Variants in ZFHX3 observed in about 807,000 individuals in gnomAD.
The protein encoded by ZFHX3 is zinc finger homeobox protein 3.
ZFHX3 carries 42 observed loss-of-function variants against 279.1 expected under a neutral mutation model. The ratio of observed to expected loss-of-function variants is 0.15; its 90% CI spans 0.12 to 0.19. The LOEUF is 0.19. ZFHX3 is among the 10% of genes least tolerant of loss of function. The pLI, the probability that ZFHX3 is intolerant of heterozygous loss-of-function variation, is 1.00. For missense variants in ZFHX3, 4,981 were observed against 4,754.0 expected (o/e 1.05, Z -1.40); for synonymous variants, 2,293 against 1,957.8 (o/e 1.17, Z -4.52).
chr16:73,750,345 C>A (rs962584769), intron 1 of ZFHX3, among the ~76,000 whole-genome samples: 2 of 152,144 alleles, frequency 1.3e-5, no homozygotes, highest in African/African-American at 2.4e-5. Flanking sequence ...CTTTACTCTA[C>A]CAACTTTATT....
intron 1 of ZFHX3, among the ~76,000 whole-genome samples, chr16:73,863,167 A>C (rs937412914): frequency 6.6e-6 from 1 of 152,044 alleles, no homozygotes; most frequent in African/African-American, 2.4e-5. Context: ...GATCGTGCCA[A>C]TGCACTCCAG....
chr16:73,877,210 G>GC (rs1408409430), intron 1 of ZFHX3, among the ~76,000 whole-genome samples: 1 of 140,996 alleles, frequency 7.1e-6, no homozygotes, highest in East Asian at 2.4e-4. Context: ...GTCGGGGGGG[G>GC]GTCCCAGGCA....
intron 2 of ZFHX3, among the ~76,000 whole-genome samples, chr16:73,471,252 G>A (rs777796983): frequency 1.3e-5 from 2 of 152,190 alleles, no homozygotes; most frequent in Non-Finnish European, 2.9e-5. Context: ...AAAGGCAAGT[G>A]GAGCACAGAT....
intron 7 of ZFHX3, among the ~76,000 whole-genome samples, chr16:72,803,285 T>A (rs1042515461): frequency 6.6e-6 from 1 of 152,124 alleles, no homozygotes; most frequent in Non-Finnish European, 1.5e-5. Context: ...TGAGCTGAGA[T>A]TGCGCCATTG....
At chr16:73,724,821 G>A (rs2053504673) in intron 1 of ZFHX3, among the ~76,000 whole-genome samples, 1 of 152,138 alleles carries the variant, frequency 6.6e-6, no homozygotes, top group Non-Finnish European at 1.5e-5. Context: ...CACAACTCCA[G>A]GAGTGTTTAA....
At chr16:73,084,117 G>C (rs1255448784) in intron 8 of ZFHX3, among the ~76,000 whole-genome samples, 1 of 152,148 alleles carries the variant, frequency 6.6e-6, no homozygotes, top group African/African-American at 2.4e-5. Context: ...GAATTATCTG[G>C]CTCAAAATGC....
intron 1 of ZFHX3, among the ~76,000 whole-genome samples, chr16:73,036,590 GGGAGGT>G (rs1964915327): frequency 6.6e-6 from 1 of 152,042 alleles, no homozygotes; most frequent in Non-Finnish European, 1.5e-5. Context: ...GGGAGGAGGA[GGGAGGT>G]GGAGGTAGAG....
At chr16:73,415,192 G>A (rs1435332116) in intron 3 of ZFHX3, among the ~76,000 whole-genome samples, 1 of 152,148 alleles carries the variant, frequency 6.6e-6, no homozygotes, top group Admixed American at 6.5e-5. Flanking sequence ...AAAATAATCA[G>A]TAATTTCTAA....
intron 2 of ZFHX3, among the ~76,000 whole-genome samples, chr16:73,575,956 A>C (rs1349997278): frequency 6.6e-6 from 1 of 152,168 alleles, no homozygotes; most frequent in Non-Finnish European, 1.5e-5. Flanking sequence ...TACACACAAA[A>C]TGGATTTTCA....
At chr16:73,126,552 A>T (rs1293389221) in intron 7 of ZFHX3, 4 of 152,236 alleles carry the variant, frequency 2.6e-5, no homozygotes, top group Non-Finnish European at 5.9e-5. Flanking sequence ...TACACGTTGG[A>T]AAAAAAGTGT....
At chr16:72,927,009 A>G (rs1345434473) in intron 3 of ZFHX3, among the ~76,000 whole-genome samples, 1 of 152,224 alleles carries the variant, frequency 6.6e-6, no homozygotes, top group Non-Finnish European at 1.5e-5. Context: ...GAGCTGGAGG[A>G]GAGTCCCAGC....
intron 2 of ZFHX3, among the ~76,000 whole-genome samples, chr16:73,460,280 G>A (rs939808152): frequency 6.6e-6 from 1 of 152,162 alleles, no homozygotes; most frequent in Non-Finnish European, 1.5e-5. Context: ...TCATCTAAGT[G>A]GTCGCCTGTA....
intron 1 of ZFHX3, among the ~76,000 whole-genome samples, chr16:73,017,693 C>T (rs1362770765): frequency 1.3e-5 from 2 of 152,100 alleles, no homozygotes; most frequent in African/African-American, 2.4e-5. Context: ...CTTAGCACCC[C>T]ACAGATAGAG....
At chr16:73,519,421 T>A (rs954317626) in intron 2 of ZFHX3, among the ~76,000 whole-genome samples, 7 of 152,268 alleles carry the variant, frequency 4.6e-5, no homozygotes, top group East Asian at 1.9e-4. Flanking sequence ...CTTGTTTTTT[T>A]AAAAAAATTC....
chr16:73,398,860 T>G (rs867699276), intron 3 of ZFHX3, among the ~76,000 whole-genome samples: 1 of 151,204 alleles, frequency 6.6e-6, no homozygotes, highest in Non-Finnish European at 1.5e-5. Flanking sequence ...GCAGTGGTTT[T>G]TTTTGTTTTG....
Position 72,787,396 on chromosome 16 carries a change from G to A in ZFHX3, c.10880C>T (p.Ala3627Val), listed in dbSNP as rs964346993. ...GAGAGGAGGAAAAGAAGGGGGCTTC[G>A]CTGCCGAAGCCCGGGAGACCACTTG... ...WPQVVSRASA[A>V]KPPSFPPLSS... The change falls in exon 10 of 10, where the codon GCG becomes GTG. Residue 3627 changes from alanine to valine, a missense_variant. Coordinates refer to ENST00000268489, the MANE Select transcript of ZFHX3 (RefSeq NM_006885.4). 1.2e-6 allele frequency: 2 copies of A among 1,603,074 alleles called. No individual in the cohort carries two copies. The highest frequency in any genetic ancestry group is 1.7e-6 in the Non-Finnish European group (2 of 1,172,532).
At chr16:73,300,793 C>A (rs1445470028) in intron 4 of ZFHX3, among the ~76,000 whole-genome samples, 1 of 152,208 alleles carries the variant, frequency 6.6e-6, no homozygotes, top group Non-Finnish European at 1.5e-5. Flanking sequence ...CATGAGCCAC[C>A]ATGCCCAGCC....
In ZFHX3 at chr16:73,343,042, A is replaced by G. The variant is rs868322152; in HGVS notation, c.-1290-24706T>C. 2.6e-5 allele frequency among the ~76,000 whole-genome samples: 4 copies of G among 152,326 alleles called. 1 individual carries two copies. Among genetic ancestry groups the G allele is most frequent in the Middle Eastern group, 6.8e-3 (2 of 294 alleles). ...ATGAACAATTCCAAAACAACTTCCTATGTATCTCAGGATTGAACAAATGAA... is the reference window on the plus strand; with the variant it reads ...ATGAACAATTCCAAAACAACTTCCTGTGTATCTCAGGATTGAACAAATGAA... On this transcript the variant is annotated intron_variant, in intron 3 of 17. Transcript: ENST00000641206.
At chr16:73,023,767 T>A (rs908778312) in intron 1 of ZFHX3, among the ~76,000 whole-genome samples, 3 of 152,034 alleles carry the variant, frequency 2.0e-5, no homozygotes, top group Admixed American at 1.3e-4. Context: ...CCCACGCCAA[T>A]CCTTGAGCCT....
Sources: gnomAD v4.1 joint callset for allele counts (sites outside exome capture counted in the v4.1 genomes callset) on GRCh38, gnomAD v4.1.1 for gene constraint, MANE v1.5 for transcripts, NCBI Gene and HGNC (gene_info 2026-07-23, HGNC 2026-07-21) for gene names.